The following CDH10 variants were observed in gnomAD, a reference collection of about 807,000 sequenced individuals.
The protein encoded by CDH10 is cadherin-10.
A neutral mutation model predicts 73.1 loss-of-function variants in CDH10; 30 were observed. The observed-to-expected ratio is 0.41, with a 90% confidence interval of 0.31 to 0.56. The LOEUF (loss-of-function observed/expected upper bound fraction) is 0.56, where lower values mean the gene tolerates loss of function less well. Ranked by LOEUF, CDH10 falls within the 20% of genes least tolerant of loss-of-function variation. The pLI, the probability that CDH10 is intolerant of heterozygous loss-of-function variation, is 0.27. For missense variants in CDH10, 815 were observed against 973.7 expected (o/e 0.84, Z 2.17); for synonymous variants, 345 against 348.2 (o/e 0.99, Z 0.10).
At chr5:24,643,840 T>C (rs1748132553) in intron 1 of CDH10, among the ~76,000 whole-genome samples, 1 of 152,198 alleles carries the variant, frequency 6.6e-6, no homozygotes, top group Non-Finnish European at 1.5e-5. Context: ...GTTGGGGACA[T>C]GCATTTATAC....
intron 5 of CDH10, among the ~76,000 whole-genome samples, chr5:24,522,369 A>G (rs1743367833): frequency 6.6e-6 from 1 of 152,164 alleles, no homozygotes; most frequent in Non-Finnish European, 1.5e-5. Flanking sequence ...TAGATTCAGC[A>G]TAGTCCCTTT....
At chr5:24,612,799 A>T (rs1367057058) in intron 1 of CDH10, 1 of 152,232 alleles carries the variant, frequency 6.6e-6, no homozygotes, top group Non-Finnish European at 1.5e-5. Flanking sequence ...ATTGATTAAT[A>T]GACATAAATG....
chr5:24,498,687 T>A (rs1742380844), intron 8 of CDH10, among the ~76,000 whole-genome samples, 168 bp from the exon 9 acceptor site: 1 of 152,168 alleles, frequency 6.6e-6, no homozygotes, highest in South Asian at 2.1e-4. Context: ...AGAGCCTAAT[T>A]AAGTAGTCAT....
At chr5:24,598,755 C>A (rs867199498) in intron 1 of CDH10, among the ~76,000 whole-genome samples, 30 of 152,068 alleles carry the variant, frequency 2.0e-4, no homozygotes, top group African/African-American at 6.8e-4. Context: ...CCTTGCTATT[C>A]TTTTGAGACT....
chr5:24,573,972 C>G, intron 2 of CDH10, among the ~76,000 whole-genome samples: 1 of 151,512 alleles, frequency 6.6e-6, no homozygotes, highest in East Asian at 2.0e-4. Context: ...GCAAGCTCTG[C>G]CTCCCGGGTT....
intron 7 of CDH10, among the ~76,000 whole-genome samples, chr5:24,508,503 C>T (rs1481486262): frequency 6.6e-6 from 1 of 152,050 alleles, no homozygotes; most frequent in African/African-American, 2.4e-5. Context: ...ATAATATAAC[C>T]CACATTGCAG....
intron 1 of CDH10, among the ~76,000 whole-genome samples, chr5:24,611,260 A>G (rs1746938971): frequency 6.6e-6 from 1 of 152,154 alleles, no homozygotes; most frequent in East Asian, 1.9e-4. Flanking sequence ...TGTGATTAAC[A>G]TAATATAGCT....
intron 5 of CDH10, among the ~76,000 whole-genome samples, chr5:24,523,025 G>A (rs192134453): frequency 7.3e-4 from 111 of 151,936 alleles, no homozygotes; most frequent in African/African-American, 2.4e-3. Flanking sequence ...AAAGGCACAC[G>A]CAAAGGAAAC....
Position 24,498,397 on chromosome 5 carries a change from C to T in CDH10, c.1515+1G>A, listed in dbSNP as rs2111682728. On this transcript the variant is annotated splice_donor_variant, in intron 9 of 11. Transcript: ENST00000264463. LOFTEE classifies it high-confidence loss of function. ...AGAGTTTTAATCCTGTAGGGGCTTA[C>T]CTGCCCTGGTCTGGCATTTTCACAT... 6.2e-7 allele frequency: 1 copy of T among 1,602,096 alleles called. No homozygotes were observed. Among genetic ancestry groups the T allele is most frequent in the Non-Finnish European group, 8.5e-7 (1 of 1,170,396 alleles).
At chr5:24,554,117 G>GAGAGAGAGAGAGAGAGAGAGAGAGAGAGA (rs1377523348) in intron 2 of CDH10, 1 of 41,840 alleles carries the variant, frequency 2.4e-5, no homozygotes, top group African/African-American at 7.9e-5. Context: ...TGGGCGGGGG[G>GAGAGAGAGAGAGAGAGAGAGAGAGAGAGA]GGGAGAGAGA....
At chr5:24,560,726 C>T (rs1439531521) in intron 2 of CDH10, among the ~76,000 whole-genome samples, 1 of 152,070 alleles carries the variant, frequency 6.6e-6, no homozygotes, top group Non-Finnish European at 1.5e-5. Context: ...GTTCTTTTCT[C>T]TATAAATGGT....
intron 2 of CDH10, among the ~76,000 whole-genome samples, chr5:24,560,540 T>A (rs2111985843): frequency 6.6e-6 from 1 of 152,218 alleles, no homozygotes; most frequent in African/African-American, 2.4e-5. Context: ...TGAATAAAAC[T>A]TGATAGATTT....
chr5:24,616,940 C>G (rs185801069), intron 1 of CDH10, among the ~76,000 whole-genome samples: 79 of 152,250 alleles, frequency 5.2e-4, no homozygotes, highest in Non-Finnish European at 8.5e-4. Flanking sequence ...TAGAAAAGCA[C>G]AAATCTCTCA....
chr5:24,616,797 C>T (rs1403442573), intron 1 of CDH10, among the ~76,000 whole-genome samples: 1 of 152,132 alleles, frequency 6.6e-6, no homozygotes, highest in Non-Finnish European at 1.5e-5. Context: ...TGTATGTCAG[C>T]TAAGTTCACT....
At chr5:24,594,363 C>T (rs940482241) in intron 1 of CDH10, among the ~76,000 whole-genome samples, 2 of 151,936 alleles carry the variant, frequency 1.3e-5, no homozygotes, top group Non-Finnish European at 1.5e-5. Flanking sequence ...GTTCTCTACA[C>T]CCTCCGTGCC....
chr5:24,581,616 T>C (rs1382856030), intron 2 of CDH10, among the ~76,000 whole-genome samples: 2 of 152,174 alleles, frequency 1.3e-5, no homozygotes, highest in African/African-American at 4.8e-5. Context: ...TACTTGGTGT[T>C]CCACGCCTGT....
At chr5:24,521,420 T>C (rs1323578539) in intron 5 of CDH10, among the ~76,000 whole-genome samples, 1 of 152,046 alleles carries the variant, frequency 6.6e-6, no homozygotes, top group Non-Finnish European at 1.5e-5. Context: ...GGTGCATGCT[T>C]GCATGCCTGA....
intron 2 of CDH10, among the ~76,000 whole-genome samples, chr5:24,549,646 G>A (rs972547377): frequency 6.7e-6 from 1 of 150,144 alleles, no homozygotes; most frequent in African/African-American, 2.4e-5. Flanking sequence ...CCGCCTCCTG[G>A]GTTCAAGCGA....
intron 1 of CDH10, among the ~76,000 whole-genome samples, chr5:24,602,981 C>G (rs1366189212): frequency 6.6e-6 from 1 of 152,132 alleles, no homozygotes; most frequent in African/African-American, 2.4e-5. Context: ...TTTTTCAAGA[C>G]AATCTATTGA....
Sources: gnomAD v4.1 joint callset for allele counts (sites outside exome capture counted in the v4.1 genomes callset) on GRCh38, gnomAD v4.1.1 for gene constraint, MANE v1.5 for transcripts, NCBI Gene and HGNC (gene_info 2026-07-23, HGNC 2026-07-21) for gene names.